The following GLRA3 variants were observed in gnomAD, a reference collection of about 807,000 sequenced individuals.
The protein encoded by GLRA3 is glycine receptor subunit alpha-3.
Under a neutral mutation model 60.4 loss-of-function variants are expected in GLRA3, and 44 were observed. The observed-to-expected ratio is 0.73, with a 90% CI of 0.57 to 0.94. The LOEUF (loss-of-function observed/expected upper bound fraction) is 0.94. Ranked by LOEUF, GLRA3 falls within the 40% of genes least tolerant of loss-of-function variation. The pLI is 0.00. For missense variants in GLRA3, 508 were observed against 564.6 expected (o/e 0.90, Z 1.02); for synonymous variants, 223 against 192.9 (o/e 1.16, Z -1.29).
chr4:174,769,810 G>C (rs1397757440), intron 2 of GLRA3, among the ~76,000 whole-genome samples: 2 of 151,996 alleles, frequency 1.3e-5, no homozygotes, highest in African/African-American at 4.8e-5. Context: ...ATCAATGTCT[G>C]TTTTTTTGCA....
At chr4:174,705,853 G>A (rs867303166) in intron 5 of GLRA3, among the ~76,000 whole-genome samples, 1 of 151,722 alleles carries the variant, frequency 6.6e-6, no homozygotes, top group African/African-American at 2.4e-5. Flanking sequence ...GGGGTGGGGA[G>A]GGCAATACAA....
chr4:174,803,682 G>A (rs912373900), intron 1 of GLRA3, among the ~76,000 whole-genome samples: 21 of 152,162 alleles, frequency 1.4e-4, no homozygotes, highest in African/African-American at 5.1e-4. Context: ...TGAATACCAT[G>A]ACTCTTTCGG....
intron 9 of GLRA3, among the ~76,000 whole-genome samples, chr4:174,647,169 G>T (rs755503592): frequency 3.3e-5 from 5 of 152,132 alleles, no homozygotes; most frequent in African/African-American, 4.8e-5. Context: ...AACTTTGGGA[G>T]GCCAAGGCAG....
At chr4:174,702,315 A>G (rs780777847) in intron 5 of GLRA3, among the ~76,000 whole-genome samples, 1 of 152,214 alleles carries the variant, frequency 6.6e-6, no homozygotes, top group Non-Finnish European at 1.5e-5. Flanking sequence ...AAAAATTAAG[A>G]TATGTACATT....
intron 1 of GLRA3, among the ~76,000 whole-genome samples, chr4:174,828,518 A>C (rs1741070605): frequency 6.6e-6 from 1 of 152,244 alleles, no homozygotes; most frequent in Non-Finnish European, 1.5e-5. Context: ...CAAATAACGC[A>C]AGATGCCAGT....
chr4:174,791,771 A>G (rs905709451), intron 1 of GLRA3, among the ~76,000 whole-genome samples: 2 of 152,102 alleles, frequency 1.3e-5, no homozygotes, highest in African/African-American at 4.8e-5. Flanking sequence ...GAAACTTGTA[A>G]CTTTTATTGA....
intron 1 of GLRA3, among the ~76,000 whole-genome samples, chr4:174,804,892 A>G (rs930753390): frequency 6.6e-6 from 1 of 152,150 alleles, no homozygotes; most frequent in African/African-American, 2.4e-5. Context: ...ACCCCACCCT[A>G]ATCTTTATTA....
intron 5 of GLRA3, among the ~76,000 whole-genome samples, chr4:174,684,732 G>T (rs1452585372): frequency 2.6e-5 from 4 of 152,246 alleles, no homozygotes; most frequent in Admixed American, 6.5e-5. Context: ...AAGCGCTTGG[G>T]CGCAGTGTCT....
intron 3 of GLRA3, among the ~76,000 whole-genome samples, chr4:174,766,547 C>G (rs1321790340): frequency 6.6e-6 from 1 of 151,720 alleles, no homozygotes. Context: ...TGGCAAATAC[C>G]ATATTCATTT....
intron 2 of GLRA3, among the ~76,000 whole-genome samples, chr4:174,767,809 T>C (rs1285579921): frequency 6.6e-6 from 1 of 152,066 alleles, no homozygotes; most frequent in Non-Finnish European, 1.5e-5. Flanking sequence ...CTCTGAGGAC[T>C]TCCCTGGACA....
intron 1 of GLRA3, among the ~76,000 whole-genome samples, chr4:174,819,159 A>T (rs547777380): frequency 1.3e-5 from 2 of 152,370 alleles, no homozygotes; most frequent in South Asian, 2.1e-4. Flanking sequence ...TAACAAAAAC[A>T]TGCCTATGTT....
intron 9 of GLRA3, among the ~76,000 whole-genome samples, chr4:174,653,937 C>T (rs1041082228): frequency 3.2e-4 from 48 of 151,990 alleles, no homozygotes; most frequent in African/African-American, 1.1e-3. Flanking sequence ...TATTTGTTTA[C>T]AGGGAATAAC....
At chr4:174,720,034 T>C (rs1328373999) in intron 4 of GLRA3, among the ~76,000 whole-genome samples, 1 of 152,214 alleles carries the variant, frequency 6.6e-6, no homozygotes, top group Non-Finnish European at 1.5e-5. Flanking sequence ...AAAATTAAAA[T>C]TATATCATGA....
At chr4:174,751,128 ACCTT>A in intron 3 of GLRA3, among the ~76,000 whole-genome samples, 1 of 151,878 alleles carries the variant, frequency 6.6e-6, no homozygotes, top group Non-Finnish European at 1.5e-5. Flanking sequence ...CTACCTACCT[ACCTT>A]CCTGCTACCT....
At chr4:174,795,572 T>C (rs1354486645) in intron 1 of GLRA3, among the ~76,000 whole-genome samples, 2 of 152,150 alleles carry the variant, frequency 1.3e-5, no homozygotes, top group Admixed American at 6.6e-5. Flanking sequence ...TTATAAGCCT[T>C]TTATAAATGG....
intron 5 of GLRA3, among the ~76,000 whole-genome samples, chr4:174,693,239 A>G (rs1734928614): frequency 6.6e-6 from 1 of 152,104 alleles, no homozygotes; most frequent in African/African-American, 2.4e-5. Context: ...GTCCATTTTT[A>G]TGTCCAGGAT....
intron 8 of GLRA3, among the ~76,000 whole-genome samples, chr4:174,657,923 G>A (rs962154608): frequency 1.3e-5 from 2 of 152,030 alleles, no homozygotes; most frequent in African/African-American, 4.8e-5. Flanking sequence ...TGTGTTTATT[G>A]GAGCAGTGAT....
At chr4:174,720,735 A>AG (rs1367002144) in intron 4 of GLRA3, among the ~76,000 whole-genome samples, 1 of 152,210 alleles carries the variant, frequency 6.6e-6, no homozygotes, top group Non-Finnish European at 1.5e-5. Context: ...CTATAAAAGT[A>AG]GTGGATTCCC....
chr4:174,687,987 A>ATTCT (rs1189427719), intron 5 of GLRA3, among the ~76,000 whole-genome samples: 1 of 151,930 alleles, frequency 6.6e-6, no homozygotes, highest in African/African-American at 2.4e-5. Context: ...TGCCTTCAGA[A>ATTCT]GAAGGCAAAA....
Sources: gnomAD v4.1 joint callset for allele counts (sites outside exome capture counted in the v4.1 genomes callset) on GRCh38, gnomAD v4.1.1 for gene constraint, MANE v1.5 for transcripts, NCBI Gene and HGNC (gene_info 2026-07-23, HGNC 2026-07-21) for gene names.